Variants in RSL1D1 observed in about 807,000 individuals in gnomAD.
The protein encoded by RSL1D1 is ribosomal L1 domain-containing protein 1.
A neutral mutation model predicts 44.6 loss-of-function variants in RSL1D1; 34 were observed. That is an observed-to-expected ratio of 0.76 (90% confidence interval 0.58 to 1.02). The LOEUF (loss-of-function observed/expected upper bound fraction) is 1.02. Ranked by LOEUF, RSL1D1 falls within the 50% of genes least tolerant of loss-of-function variation. The probability of loss-of-function intolerance (pLI) is 0.00; values close to 1 mark genes in which losing one functional copy is unlikely to be tolerated. For synonymous variants in RSL1D1, 271 were observed against 207.4 expected, an observed-to-expected ratio of 1.31 and a Z score of -2.63; for missense variants, 767 against 568.1, an observed-to-expected ratio of 1.35 and a Z score of -3.56.
chr16:11,840,078 T>C, intron 7 of RSL1D1, 93 bp from the exon 8 acceptor site: 2 of 1,523,132 alleles, frequency 1.3e-6, no homozygotes, highest in Non-Finnish European at 1.7e-6. Context: ...TGATTATCCA[T>C]AAGCCCCTAA....
At position 11,834,099 on chromosome 16, in the gene RSL1D1, C is replaced by CG. The variant is rs2053701570; in HGVS notation, c.*3687dup. 2 of 152,022 alleles carry CG rather than the reference C, an allele frequency of 1.3e-5. No individual in the cohort carries two copies. Among genetic ancestry groups the CG allele is most frequent in the African/African-American group, 4.8e-5 (2 of 41,398 alleles). 9.4% of individuals were successfully genotyped at this position (152,022 alleles called of 1,614,324 possible). On this transcript the variant is annotated 3_prime_UTR_variant, in exon 9 of 9. Transcript: ENST00000571133. The stretch of plus-strand genomic sequence containing the variant: ...GAGATTTCGCCCTCCTCTTGGCCCC[C>CG]GGGGGAGACTACTGTTGGCTCCTAG...
Position 11,834,065 on chromosome 16 carries a change from A to G in RSL1D1, c.*3722T>C, listed in dbSNP as rs2053701411. ...TACTTGGCCCACGAGAACATCATAT[A>G]CCATAGTAGAGATTTCGCCCTCCTC... On this transcript the variant is annotated 3_prime_UTR_variant, in exon 9 of 9. Transcript: ENST00000571133. 6.6e-6 allele frequency: 1 copy of G among 152,050 alleles called. No individual in the cohort carries two copies. The allele number at this position is 152,050 out of a possible 1,614,324, so 9.4% of individuals were successfully genotyped here.
chr16:11,842,040 C>A (rs775171252), intron 5 of RSL1D1, 40 bp from the exon 6 acceptor site: 26 of 1,433,248 alleles, frequency 1.8e-5, no homozygotes, highest in Non-Finnish European at 2.5e-5. Context: ...TTTAAAAAAC[C>A]ATTTTTCAAA....
In RSL1D1 at chr16:11,846,681, A is replaced by C; in HGVS notation, c.533+14T>G. 6 of 1,613,582 alleles carry C rather than the reference A, an allele frequency of 3.7e-6. No individual in the cohort carries two copies. Among genetic ancestry groups the C allele is most frequent in the Non-Finnish European group, 5.1e-6 (6 of 1,179,704 alleles). Reference sequence around the variant, plus strand: ...TTCATGCTGCTAAAGTCCAGTCATTACTAAGAAACTTACTTCTTTCTTTGA... The same window carrying C: ...TTCATGCTGCTAAAGTCCAGTCATTCCTAAGAAACTTACTTCTTTCTTTGA... On this transcript the variant is annotated intron_variant, in intron 4 of 8. Coordinates refer to ENST00000571133, the MANE Select transcript of RSL1D1 (RefSeq NM_015659.3).
At chr16:11,849,217 C>G (rs548928677) in intron 2 of RSL1D1, 12 of 152,166 alleles carry the variant, frequency 7.9e-5, no homozygotes, top group African/African-American at 2.4e-4. Context: ...AACCTCATCT[C>G]CACAAAGATT....
At chr16:11,843,623 C>T (rs932087329) in intron 5 of RSL1D1, among the ~76,000 whole-genome samples, 19 of 151,910 alleles carry the variant, frequency 1.3e-4, no homozygotes, top group South Asian at 4.2e-4. Flanking sequence ...AATCCCAGCA[C>T]GTTGGGAGGC....
chr16:11,842,060 G>T, intron 5 of RSL1D1, 60 bp from the exon 6 acceptor site: 1 of 1,183,604 alleles, frequency 8.4e-7, no homozygotes, highest in Non-Finnish European at 1.2e-6. Context: ...AATAAACCAG[G>T]CAGGTATATG....
rs951447411 is a variant in RSL1D1, at chr16:11,846,840, T to C, written c.388A>G (p.Ile130Val). The change falls in exon 4 of 9, where the codon ATC becomes GTC. Residue 130 changes from isoleucine to valine, a missense_variant. Transcript: ENST00000571133. ...KHGIKTVSQIISLQTLKKEYK... is the reference protein window; with the variant it reads ...KHGIKTVSQIVSLQTLKKEYK... ...TCCTTCTTTAGAGTTTGGAGGGAGA[T>C]AATCTAGGAAGTATAGAGAAGAATA... The C allele has an allele frequency of 1.2e-6, 2 of 1,605,388 alleles. No homozygotes were observed. The highest frequency in any genetic ancestry group is 1.7e-6 in the Non-Finnish European group (2 of 1,172,790).
chr16:11,848,028 G>A (rs2053811689), intron 2 of RSL1D1, among the ~76,000 whole-genome samples: 1 of 152,124 alleles, frequency 6.6e-6, no homozygotes, highest in Non-Finnish European at 1.5e-5. Flanking sequence ...AAGGCAGATG[G>A]ATCACCTGAG....
At chr16:11,847,312 T>C (rs986148464) in intron 3 of RSL1D1, among the ~76,000 whole-genome samples, 3 of 151,998 alleles carry the variant, frequency 2.0e-5, no homozygotes, top group Admixed American at 6.6e-5. Flanking sequence ...GAGGTGGAGG[T>C]TGCAGTGAGC....
intron 5 of RSL1D1, among the ~76,000 whole-genome samples, chr16:11,844,487 G>C (rs1339963213): frequency 2.6e-5 from 4 of 152,098 alleles, no homozygotes; most frequent in Non-Finnish European, 5.9e-5. Flanking sequence ...TTTAACCAAA[G>C]GGGTAGGGGT....
rs968261322 is a variant in RSL1D1, at chr16:11,846,812, T to C, written c.416A>G (p.Tyr139Cys). 2 of 1,611,766 alleles carry C rather than the reference T, an allele frequency of 1.2e-6. No individual in the cohort carries two copies. Among genetic ancestry groups the C allele is most frequent in the South Asian group, 1.1e-5 (1 of 91,050 alleles). Reference protein sequence around the residue: ...IISLQTLKKEYKSYEAKLRLL... With the variant: ...IISLQTLKKECKSYEAKLRLL... ...GCGGAGCTTGGCTTCATAGGATTTA[T>C]ATTCCTTCTTTAGAGTTTGGAGGGA... The change falls in exon 4 of 9, where the codon TAT becomes TGT. Residue 139 changes from tyrosine (Y) to cysteine (C), a missense_variant. Transcript: ENST00000571133.
chr16:11,850,494 CTAAT>C, intron 1 of RSL1D1, 76 bp from the exon 2 acceptor site: 6 of 1,482,372 alleles, frequency 4.0e-6, no homozygotes, highest in Non-Finnish European at 5.4e-6. Context: ...TGTTCTCAAT[CTAAT>C]TTAGCATTTG....
intron 3 of RSL1D1, 124 bp downstream of exon 3, chr16:11,847,544 C>A (rs1049001271): frequency 2.3e-6 from 2 of 860,798 alleles, no homozygotes; most frequent in Non-Finnish European, 3.6e-6. Context: ...CACGCCACCA[C>A]AAATTAAATT....
At position 11,841,827 on chromosome 16, in the gene RSL1D1, CA is replaced by C. The variant is rs1242921964; in HGVS notation, c.730-8del. On this transcript the variant is annotated splice_polypyrimidine_tract_variant and splice_region_variant and intron_variant, in intron 6 of 8. Coordinates refer to ENST00000571133, the MANE Select transcript of RSL1D1 (RefSeq NM_015659.3). The stretch of plus-strand genomic sequence containing the variant: ...GTTTCACGCTCTCCCACTTCTGAAA[CA>C]AAGAAAAGAGTAACATCGTCTACAT... 1.9e-6 allele frequency: 3 copies of C among 1,612,752 alleles called. No homozygotes were observed. The highest frequency in any genetic ancestry group is 2.5e-6 in the Non-Finnish European group (3 of 1,179,714).
chr16:11,841,782 C>A lies in RSL1D1; in HGVS notation c.768G>T (p.Glu256Asp), dbSNP rs751891304. Residue 256 changes from glutamate (E) to aspartate (D), a missense_variant, in exon 7 of 9, where the codon GAG (glutamate) becomes GAT (aspartate). By Grantham distance (45) the Glu-to-Asp change is conservative. Transcript: ENST00000571133. Reference sequence around the variant, plus strand: ...AAAAGATGGGAAGTGCAGCCGATTTCTCAGTTTTCACAAACAGGAGTTTCA... The same window carrying A: ...AAAAGATGGGAAGTGCAGCCGATTTATCAGTTTTCACAAACAGGAGTTTCA... ...ESVKLLFVKT[E>D]KSAALPIFSS... The A allele has an allele frequency of 4.3e-6, 7 of 1,613,982 alleles. No individual in the cohort carries two copies. The highest frequency in any genetic ancestry group is 1.3e-5 in the African/African-American group (1 of 74,926).
Position 11,837,988 on chromosome 16 carries a change from T to C in RSL1D1, c.1272A>G (p.Pro424=). The C allele has an allele frequency of 6.2e-7, 1 of 1,614,134 alleles. No homozygotes were observed. The highest frequency in any genetic ancestry group is 1.1e-5 in the South Asian group (1 of 91,074). Residue 424 remains proline (P), a synonymous_variant, in exon 9 of 9, where the codon CCA becomes CCG. Transcript: ENST00000571133. ...TTGGCTTCTTCTCTGGGCTTTTCCC[T>C]GGGGTCTCAGACTCTGCAGCTTTTG... ...ETPKAAESET[P]GKSPEKKPKI...
Position 11,843,472 on chromosome 16 carries a change from C to T in RSL1D1, c.636-1472G>A, listed in dbSNP as rs377416286. Among the ~76,000 whole-genome samples, 7 of 152,166 alleles carry T rather than the reference C, an allele frequency of 4.6e-5. No homozygotes were observed. In the East Asian group the frequency reaches 7.8e-4, roughly 17 times the overall value. On this transcript the variant is annotated intron_variant, in intron 5 of 8. Transcript: ENST00000571133. ...ACCTTTATCTTAGACAACCCCATGTCGCTGAGTCCGCCTTCAAGCTGTTCT... is the reference window on the plus strand; with the variant it reads ...ACCTTTATCTTAGACAACCCCATGTTGCTGAGTCCGCCTTCAAGCTGTTCT...
At chr16:11,850,765 C>A (rs1334171805) in intron 1 of RSL1D1, among the ~76,000 whole-genome samples, 1 of 152,214 alleles carries the variant, frequency 6.6e-6, no homozygotes, top group Non-Finnish European at 1.5e-5. Flanking sequence ...AAGCAAAATG[C>A]ATTTAGCATT....
Sources: allele counts gnomAD v4.1 joint callset (sites outside exome capture counted in the v4.1 genomes callset), GRCh38; gene constraint gnomAD v4.1.1; transcripts MANE v1.5; gene names NCBI Gene and HGNC (gene_info 2026-07-23, HGNC 2026-07-21).